The following NOL4 variants were observed in gnomAD, a reference collection of about 807,000 sequenced individuals.
NOL4 encodes cancer/testis antigen 125.
NOL4 carries 17 observed loss-of-function variants against 75.9 expected under a neutral mutation model. The ratio of observed to expected loss-of-function variants is 0.22; its 90% CI spans 0.15 to 0.34. The LOEUF is 0.34. NOL4 is among the 10% of genes least tolerant of loss of function. NOL4 has a pLI of 1.00. For synonymous variants in NOL4, 292 were observed against 289.9 expected (o/e 1.01, Z -0.07); for missense variants, 614 against 793.5 (o/e 0.77, Z 2.72).
rs1020097587 is a variant in NOL4, at chr18:34,222,809, C to A, written c.264+181G>T. On this transcript the variant is annotated intron_variant, in intron 1 of 10. Transcript: ENST00000261592. ...AAAATAAAGGACCACAAAGACTGTACAGTGGGGAAAACGCGCCTGGCTAAT... is the reference window on the plus strand; with the variant it reads ...AAAATAAAGGACCACAAAGACTGTAAAGTGGGGAAAACGCGCCTGGCTAAT... Among the ~76,000 whole-genome samples, 3 of 152,150 alleles carry A rather than the reference C, an allele frequency of 2.0e-5. No homozygotes were observed. The East Asian group carries it at 5.8e-4, about 30-fold the overall frequency.
intron 1 of NOL4, among the ~76,000 whole-genome samples, chr18:34,201,256 G>C (rs149249136): frequency 1.3e-4 from 20 of 151,762 alleles, no homozygotes; most frequent in Non-Finnish European, 2.7e-4. Context: ...AGTATTTTAA[G>C]ATATTAACTC....
At chr18:33,980,483 G>T (rs950315918) in intron 6 of NOL4, among the ~76,000 whole-genome samples, 2 of 151,972 alleles carry the variant, frequency 1.3e-5, no homozygotes, top group East Asian at 1.9e-4. Flanking sequence ...GTTATTAAGA[G>T]AAATTATTTT....
intron 8 of NOL4, among the ~76,000 whole-genome samples, chr18:33,951,935 A>ACATT (rs1261295798): frequency 6.6e-6 from 1 of 152,162 alleles, no homozygotes; most frequent in African/African-American, 2.4e-5. Flanking sequence ...ACTTGGGTGG[A>ACATT]CATTCATACC....
At chr18:34,022,829 A>G (rs2075123875) in intron 5 of NOL4, among the ~76,000 whole-genome samples, 1 of 152,076 alleles carries the variant, frequency 6.6e-6, no homozygotes, top group African/African-American at 2.4e-5. Context: ...TAAACATCCT[A>G]CATCTGTTTC....
intron 6 of NOL4, among the ~76,000 whole-genome samples, chr18:33,977,095 GT>G (rs2145934247): frequency 6.6e-6 from 1 of 152,034 alleles, no homozygotes; most frequent in Non-Finnish European, 1.5e-5. Context: ...TGATAATTTG[GT>G]CTTATAGTGT....
intron 6 of NOL4, chr18:34,001,639 C>T (rs1464134293): frequency 6.6e-6 from 1 of 152,006 alleles, no homozygotes; most frequent in African/African-American, 2.4e-5. Flanking sequence ...AATGAACTTT[C>T]TACATAGAAG....
At chr18:34,061,575 A>G (rs1170077064) in intron 5 of NOL4, among the ~76,000 whole-genome samples, 1 of 152,118 alleles carries the variant, frequency 6.6e-6, no homozygotes, top group Non-Finnish European at 1.5e-5. Context: ...CATATACAAC[A>G]TAGCTTGAAT....
At chr18:34,002,699 T>C (rs2053146667) in intron 6 of NOL4, among the ~76,000 whole-genome samples, 1 of 152,094 alleles carries the variant, frequency 6.6e-6, no homozygotes, top group African/African-American at 2.4e-5. Flanking sequence ...GTAAACACTT[T>C]GCATCAAAAT....
chr18:34,032,728 G>C (rs1319683362), intron 5 of NOL4, among the ~76,000 whole-genome samples: 1 of 152,124 alleles, frequency 6.6e-6, no homozygotes, highest in African/African-American at 2.4e-5. Context: ...ACCAGAATTG[G>C]AGTAAGCCAC....
At chr18:34,012,214 C>T (rs1016030727) in intron 6 of NOL4, among the ~76,000 whole-genome samples, 5 of 151,802 alleles carry the variant, frequency 3.3e-5, no homozygotes, top group African/African-American at 7.3e-5. Flanking sequence ...TCAATTTCCT[C>T]GTCTGTAAAA....
chr18:33,852,729 T>C lies in NOL4; in HGVS notation c.*113A>G, dbSNP rs2062675774. ...CAAGGACAATGTGGCATAATGGAAGTATTTCTCTTAAAAGACTGTGCAGTA... is the reference window on the plus strand; with the variant it reads ...CAAGGACAATGTGGCATAATGGAAGCATTTCTCTTAAAAGACTGTGCAGTA... On this transcript the variant is annotated 3_prime_UTR_variant, in exon 11 of 11. Transcript: ENST00000261592. The C allele has an allele frequency of 1.1e-6, 1 of 888,352 alleles. No homozygotes were observed. The highest frequency in any genetic ancestry group is 1.7e-6 in the Non-Finnish European group (1 of 585,486). The allele number at this position is 888,352 out of a possible 1,614,324, so 55.0% of individuals were successfully genotyped here. A position where few individuals can be genotyped will look rare whatever the true frequency, so the allele number is the denominator to read the frequency against.
chr18:33,906,500 G>A (rs964619193), intron 9 of NOL4, among the ~76,000 whole-genome samples: 5 of 152,170 alleles, frequency 3.3e-5, no homozygotes, highest in Admixed American at 2.0e-4. Context: ...TTTGGAATCA[G>A]ATACAAGACT....
At chr18:34,008,957 G>A (rs562854947) in intron 6 of NOL4, among the ~76,000 whole-genome samples, 3 of 152,086 alleles carry the variant, frequency 2.0e-5, no homozygotes, top group African/African-American at 7.2e-5. Context: ...TTGACAGGAA[G>A]CAAGCTTCAC....
intron 1 of NOL4, among the ~76,000 whole-genome samples, chr18:34,159,971 A>C (rs2031200296): frequency 6.6e-6 from 1 of 152,108 alleles, no homozygotes; most frequent in Non-Finnish European, 1.5e-5. Context: ...CAGGTAAACT[A>C]AGTGCTCAGT....
intron 6 of NOL4, among the ~76,000 whole-genome samples, chr18:33,990,960 C>T (rs1167502280): frequency 1.3e-5 from 2 of 152,146 alleles, no homozygotes; most frequent in East Asian, 3.9e-4. Flanking sequence ...TTTCAATTAT[C>T]TAATTAAAAC....
chr18:33,910,147 T>G (rs2066307768), intron 9 of NOL4, among the ~76,000 whole-genome samples: 1 of 152,236 alleles, frequency 6.6e-6, no homozygotes, highest in African/African-American at 2.4e-5. Flanking sequence ...CCACGTAGTA[T>G]TCACATAGTT....
intron 9 of NOL4, among the ~76,000 whole-genome samples, chr18:33,938,545 C>G (rs1477453785): frequency 6.6e-6 from 1 of 151,980 alleles, no homozygotes; most frequent in African/African-American, 2.4e-5. Flanking sequence ...ACAATGAGCT[C>G]TTTTCATATG....
At chr18:34,081,673 T>C (rs2078018515) in intron 5 of NOL4, among the ~76,000 whole-genome samples, 1 of 152,150 alleles carries the variant, frequency 6.6e-6, no homozygotes, top group South Asian at 2.1e-4. Context: ...CATAGCTTGG[T>C]CTTATTATTT....
intron 6 of NOL4, among the ~76,000 whole-genome samples, chr18:33,985,275 G>A (rs938613478): frequency 3.2e-4 from 49 of 152,158 alleles, no homozygotes; most frequent in African/African-American, 1.1e-3. Context: ...TAATGTTTTC[G>A]ACACCTGAGG....
Sources: gnomAD v4.1 joint callset for allele counts (sites outside exome capture counted in the v4.1 genomes callset) on GRCh38, gnomAD v4.1.1 for gene constraint, MANE v1.5 for transcripts, NCBI Gene and HGNC (gene_info 2026-07-23, HGNC 2026-07-21) for gene names.